DAB1: variants seen among roughly 807,000 people sequenced by gnomAD.
The protein encoded by DAB1 is disabled homolog 1.
A neutral mutation model predicts 64.6 loss-of-function variants in DAB1; 15 were observed. The ratio of observed to expected loss-of-function variants is 0.23; its 90% CI spans 0.16 to 0.36. The LOEUF is 0.36. Ranked by LOEUF, DAB1 falls within the 10% of genes least tolerant of loss-of-function variation. DAB1 has a pLI of 1.00. For missense variants in DAB1, 596 were observed against 706.7 expected, an observed-to-expected ratio of 0.84 and a Z score of 1.78; for synonymous variants, 235 against 251.9, an observed-to-expected ratio of 0.93 and a Z score of 0.64.
chr1:58,079,635 C>T (rs1320489452), intron 5 of DAB1, among the ~76,000 whole-genome samples: 3 of 149,300 alleles, frequency 2.0e-5, no homozygotes, highest in Non-Finnish European at 4.4e-5. Context: ...AATTCTCTGC[C>T]TCAGCCTCCC....
At position 57,339,609 on chromosome 1, in the gene DAB1, A is replaced by G. The variant is rs1677406434; in HGVS notation, c.-136-48443T>C. Among the ~76,000 whole-genome samples the G allele has an allele frequency of 2.0e-5, 3 of 152,246 alleles. No individual in the cohort carries two copies. In the South Asian group the frequency reaches 6.2e-4, roughly 32 times the overall value. On this transcript the variant is annotated intron_variant, in intron 1 of 14. Transcript: ENST00000371236. ...TACAGACCAATGATTTCAGGCTGAC[A>G]CATTAATTGAGCTGGTATGTTTAAG...
intron 5 of DAB1, among the ~76,000 whole-genome samples, chr1:57,925,480 A>AG (rs547960584): frequency 2.3e-4 from 35 of 152,280 alleles, no homozygotes; most frequent in Admixed American, 2.0e-3. Flanking sequence ...TCACTCTCTA[A>AG]ACATTTATCA....
At chr1:57,958,143 C>T (rs1451984039) in intron 5 of DAB1, among the ~76,000 whole-genome samples, 3 of 152,164 alleles carry the variant, frequency 2.0e-5, no homozygotes, top group Admixed American at 2.0e-4. Flanking sequence ...TGCCACCACG[C>T]TCTGCTAAAT....
At chr1:57,954,467 G>C (rs1279267057) in intron 5 of DAB1, among the ~76,000 whole-genome samples, 1 of 152,114 alleles carries the variant, frequency 6.6e-6, no homozygotes, top group Non-Finnish European at 1.5e-5. Flanking sequence ...GAGTTACAAT[G>C]ATCATGCTTC....
chr1:57,297,704 C>G (rs1443157794), intron 1 of DAB1, among the ~76,000 whole-genome samples: 5 of 152,118 alleles, frequency 3.3e-5, no homozygotes, highest in Admixed American at 6.6e-5. Flanking sequence ...AAAGGGAAAA[C>G]AAAGCCTAGC....
intron 2 of DAB1, among the ~76,000 whole-genome samples, chr1:57,220,871 A>G (rs528559199): frequency 3.3e-5 from 5 of 152,332 alleles, no homozygotes; most frequent in Admixed American, 6.5e-5. Context: ...TAGAAATACC[A>G]TTTGACCCAG....
chr1:57,217,425 C>T (rs1052041447), intron 2 of DAB1, among the ~76,000 whole-genome samples: 7 of 151,996 alleles, frequency 4.6e-5, no homozygotes, highest in Admixed American at 3.9e-4. Context: ...ATGTCCTTAT[C>T]GGTCCAAAAA....
intron 4 of DAB1, among the ~76,000 whole-genome samples, chr1:57,077,588 A>C (rs1570648153): frequency 6.6e-6 from 1 of 152,300 alleles, no homozygotes; most frequent in East Asian, 1.9e-4. Flanking sequence ...TTCTTATCTG[A>C]TCATCATTAA....
chr1:58,023,789 A>G (rs1444164863), intron 5 of DAB1, among the ~76,000 whole-genome samples: 1 of 152,200 alleles, frequency 6.6e-6, no homozygotes, highest in East Asian at 1.9e-4. Flanking sequence ...ATTGCCTTGG[A>G]CCCAGCATCT....
At chr1:58,292,572 T>C (rs780961845) in intron 4 of DAB1, among the ~76,000 whole-genome samples, 1 of 151,988 alleles carries the variant, frequency 6.6e-6, no homozygotes, top group Non-Finnish European at 1.5e-5. Flanking sequence ...GATGGTGTGG[T>C]GTGTGTTTAG....
intron 7 of DAB1, among the ~76,000 whole-genome samples, chr1:57,595,389 G>C (rs984351187): frequency 2.0e-5 from 3 of 151,582 alleles, no homozygotes; most frequent in Non-Finnish European, 2.9e-5. Flanking sequence ...TGGTCCTGGG[G>C]CTATCTCTAG....
chr1:57,585,559 T>C (rs993314077), intron 7 of DAB1, among the ~76,000 whole-genome samples: 1 of 152,220 alleles, frequency 6.6e-6, no homozygotes, highest in Non-Finnish European at 1.5e-5. Context: ...TGTCTGGTTC[T>C]TCACAGTCCC....
intron 3 of DAB1, among the ~76,000 whole-genome samples, chr1:58,393,315 G>C (rs1644491951): frequency 6.6e-6 from 1 of 151,942 alleles, no homozygotes; most frequent in African/African-American, 2.4e-5. Flanking sequence ...TGCCCAAAGA[G>C]TACTATTATT....
intron 5 of DAB1, among the ~76,000 whole-genome samples, chr1:58,057,159 G>A (rs530587355): frequency 2.0e-5 from 3 of 152,028 alleles, no homozygotes; most frequent in Admixed American, 1.3e-4. Context: ...TGTGTAAAGT[G>A]CCTACCACAG....
chr1:57,073,036 C>T (rs1379567875), intron 4 of DAB1, among the ~76,000 whole-genome samples: 10 of 152,108 alleles, frequency 6.6e-5, no homozygotes, highest in Admixed American at 6.5e-5. Flanking sequence ...ATCCACTTGC[C>T]CAAATCCTCT....
chr1:57,305,985 A>G (rs1570230428), intron 1 of DAB1, among the ~76,000 whole-genome samples: 1 of 141,940 alleles, frequency 7.0e-6, no homozygotes, highest in African/African-American at 2.9e-5. Context: ...AAAAAAAAAA[A>G]GAAAAAAGAA....
chr1:57,828,245 G>A (rs1206796014), intron 1 of DAB1, among the ~76,000 whole-genome samples: 3 of 152,110 alleles, frequency 2.0e-5, no homozygotes, highest in African/African-American at 7.2e-5. Flanking sequence ...ATGCCTGGCC[G>A]ATCATCCCCA....
intron 6 of DAB1, among the ~76,000 whole-genome samples, chr1:57,802,102 T>C (rs1651155653): frequency 6.6e-6 from 1 of 152,176 alleles, no homozygotes; most frequent in Non-Finnish European, 1.5e-5. Flanking sequence ...AAGCAAGACA[T>C]GGTGCAAAAA....
intron 4 of DAB1, among the ~76,000 whole-genome samples, chr1:58,194,219 T>C (rs184670889): frequency 6.4e-4 from 97 of 152,356 alleles, no homozygotes; most frequent in African/African-American, 2.3e-3. Context: ...AGTAGCTTCA[T>C]ATTCAGCTAG....
Sources: allele counts gnomAD v4.1 joint callset (sites outside exome capture counted in the v4.1 genomes callset), GRCh38; gene constraint gnomAD v4.1.1; transcripts MANE v1.5; gene names NCBI Gene and HGNC (gene_info 2026-07-23, HGNC 2026-07-21).